CHL1: variants seen among roughly 807,000 people sequenced by gnomAD.
The protein encoded by CHL1 is neural cell adhesion molecule L1-like protein.
CHL1 carries 96 observed loss-of-function variants against 141.9 expected under a neutral mutation model. That is an observed-to-expected ratio of 0.68 (90% CI 0.57 to 0.80). The LOEUF (loss-of-function observed/expected upper bound fraction) is 0.80. CHL1 is among the 30% of genes least tolerant of loss of function. The pLI is 0.00. For missense variants in CHL1, 1,820 were observed against 1,457.2 expected, an observed-to-expected ratio of 1.25 and a Z score of -4.05; for synonymous variants, 613 against 502.2, an observed-to-expected ratio of 1.22 and a Z score of -2.95.
At chr3:312,317 G>A (rs906534372) in intron 2 of CHL1, among the ~76,000 whole-genome samples, 4 of 152,280 alleles carry the variant, frequency 2.6e-5, no homozygotes, top group South Asian at 2.1e-4. Flanking sequence ...TTCTTTTGTC[G>A]TGTCACTGCG....
In CHL1 at chr3:398,212, G is replaced by T; in HGVS notation, c.3095-15G>T. 1.3e-6 allele frequency: 2 copies of T among 1,560,604 alleles called. No homozygotes were observed. The highest frequency in any genetic ancestry group is 1.7e-6 in the Non-Finnish European group (2 of 1,144,098). On this transcript the variant is annotated splice_polypyrimidine_tract_variant and intron_variant, in intron 24 of 27. Transcript: ENST00000256509. ...TGATTACAATTCACATGATTTAACTGTGTACATTTCTTAGGTAAAGGTATC... is the reference window on the plus strand; with the variant it reads ...TGATTACAATTCACATGATTTAACTTTGTACATTTCTTAGGTAAAGGTATC...
chr3:404,961 G>T (rs1447809082), intron 27 of CHL1, among the ~76,000 whole-genome samples: 1 of 152,058 alleles, frequency 6.6e-6, no homozygotes, highest in Admixed American at 6.6e-5. Flanking sequence ...TCACTTTCTG[G>T]GTGACAGATG....
At chr3:225,776 G>A (rs561640395) in intron 1 of CHL1, among the ~76,000 whole-genome samples, 8 of 152,238 alleles carry the variant, frequency 5.3e-5, no homozygotes, top group South Asian at 4.1e-4. Context: ...TTGGGAGGCT[G>A]AGGTGGGCAG....
chr3:382,469 A>T lies in CHL1; in HGVS notation c.1979-5A>T, dbSNP rs1707167867. The T allele has an allele frequency of 1.2e-6, 2 of 1,609,216 alleles. No individual in the cohort carries two copies. Among genetic ancestry groups the T allele is most frequent in the Non-Finnish European group, 8.5e-7 (1 of 1,175,600 alleles). On this transcript the variant is annotated splice_polypyrimidine_tract_variant and splice_region_variant and intron_variant, in intron 17 of 27. Coordinates refer to ENST00000256509, the MANE Select transcript of CHL1 (RefSeq NM_006614.4). ...CTAATATTTTTTCCCTGTTTATACT[A>T]CCAGAGTATATTGTTGAATTTGAAG... is the stretch of plus-strand genomic sequence containing the variant.
intron 2 of CHL1, among the ~76,000 whole-genome samples, chr3:268,379 A>G (rs189140972): frequency 6.6e-6 from 1 of 151,938 alleles, no homozygotes; most frequent in African/African-American, 2.4e-5. Flanking sequence ...ACTAAAAAAT[A>G]CAAAAATTAC....
chr3:337,413 A>T (rs893434509), intron 5 of CHL1, among the ~76,000 whole-genome samples: 40 of 151,968 alleles, frequency 2.6e-4, no homozygotes, highest in East Asian at 9.7e-4. Flanking sequence ...CATGTGCACA[A>T]TGTGCAGGTT....
intron 2 of CHL1, among the ~76,000 whole-genome samples, chr3:263,437 A>G (rs1373019167): frequency 6.6e-6 from 1 of 152,166 alleles, no homozygotes; most frequent in Non-Finnish European, 1.5e-5. Flanking sequence ...TATCCTTGTG[A>G]CACGTTTCTT....
intron 23 of CHL1, among the ~76,000 whole-genome samples, chr3:393,722 G>A (rs1211965421): frequency 1.3e-5 from 2 of 151,978 alleles, no homozygotes; most frequent in Non-Finnish European, 2.9e-5. Flanking sequence ...TATATTGATT[G>A]TAGTCGTTTT....
At chr3:335,821 T>C (rs905699170) in intron 5 of CHL1, among the ~76,000 whole-genome samples, 2 of 152,170 alleles carry the variant, frequency 1.3e-5, no homozygotes, top group African/African-American at 2.4e-5. Flanking sequence ...AGATGCAGGC[T>C]ATGGAGAAAA....
chr3:396,312 T>C (rs759862468), intron 24 of CHL1, among the ~76,000 whole-genome samples: 23 of 152,132 alleles, frequency 1.5e-4, no homozygotes, highest in Non-Finnish European at 2.6e-4. Flanking sequence ...GTCAGAGTGG[T>C]AGTAGTCCAA....
At chr3:266,982 G>A (rs1031746359) in intron 2 of CHL1, among the ~76,000 whole-genome samples, 4 of 152,040 alleles carry the variant, frequency 2.6e-5, no homozygotes, top group East Asian at 1.9e-4. Flanking sequence ...CACAAATCAC[G>A]TGTCAGCACC....
intron 1 of CHL1, among the ~76,000 whole-genome samples, chr3:200,193 T>C (rs1383585631): frequency 1.3e-5 from 2 of 152,212 alleles, no homozygotes; most frequent in Non-Finnish European, 2.9e-5. Flanking sequence ...CAATAGAGTC[T>C]AATGTATTTT....
At chr3:366,204 C>A in intron 15 of CHL1, 89 bp downstream of exon 15, 1 of 1,276,114 alleles carries the variant, frequency 7.8e-7, no homozygotes, top group Non-Finnish European at 1.1e-6. Flanking sequence ...GGCATGCTGA[C>A]TCACGCTTGT....
intron 2 of CHL1, among the ~76,000 whole-genome samples, chr3:276,132 A>G (rs1231545972): frequency 1.3e-5 from 2 of 151,952 alleles, no homozygotes; most frequent in Non-Finnish European, 2.9e-5. Flanking sequence ...ATTCATTGTC[A>G]TGATTACTTT....
chr3:352,003 A>C (rs984133290), intron 10 of CHL1, among the ~76,000 whole-genome samples: 1 of 152,186 alleles, frequency 6.6e-6, no homozygotes, highest in African/African-American at 2.4e-5. Context: ...ATTTAAAAAT[A>C]AGCTCCCACC....
rs773870569 is a variant in CHL1, at chr3:389,422, A to G, written c.2418A>G (p.Gln806=). ...PYDVKVQAIN[Q]LGSGPDPQSV... is the part of the protein sequence containing the mutation. The stretch of plus-strand genomic sequence containing the variant: ...ATGTCAAGGTCCAGGCTATCAATCA[A>G]CTAGGATCTGGGCCTGACCCTCAGT... Residue 806 remains glutamine, a synonymous_variant, in exon 20 of 28, where the codon CAA becomes CAG. Coordinates refer to ENST00000256509, the MANE Select transcript of CHL1 (RefSeq NM_006614.4). 1.5e-5 allele frequency: 25 copies of G among 1,614,092 alleles called. No individual in the cohort carries two copies. In the South Asian group the frequency reaches 2.4e-4, roughly 16 times the overall value.
chr3:307,325 C>A (rs1046145506), intron 2 of CHL1, among the ~76,000 whole-genome samples: 1 of 152,210 alleles, frequency 6.6e-6, no homozygotes, highest in African/African-American at 2.4e-5. Flanking sequence ...TGCATTTACA[C>A]ACACAAACGT....
At chr3:364,194 T>A (rs991677246) in intron 14 of CHL1, among the ~76,000 whole-genome samples, 3 of 152,148 alleles carry the variant, frequency 2.0e-5, no homozygotes, top group Middle Eastern at 3.2e-3. Context: ...TTGCTGTACA[T>A]CCTTTTCTTA....
chr3:296,504 G>T (rs951337935), intron 2 of CHL1, among the ~76,000 whole-genome samples: 1 of 151,724 alleles, frequency 6.6e-6, no homozygotes, highest in Non-Finnish European at 1.5e-5. Flanking sequence ...TTAGAACCAC[G>T]GTCGTCGGCA....
Sources: gnomAD v4.1 joint callset for allele counts (sites outside exome capture counted in the v4.1 genomes callset) on GRCh38, gnomAD v4.1.1 for gene constraint, MANE v1.5 for transcripts, NCBI Gene and HGNC (gene_info 2026-07-23, HGNC 2026-07-21) for gene names.